Variants in DSC2 observed in about 807,000 individuals in gnomAD.
DSC2 encodes desmocollin 2.
A neutral mutation model predicts 87.6 loss-of-function variants in DSC2; 51 were observed. That is an observed-to-expected ratio of 0.58 (90% CI 0.46 to 0.74). The LOEUF (loss-of-function observed/expected upper bound fraction) is 0.74, where lower values mean the gene tolerates loss of function less well. Among genes scored for constraint, DSC2 ranks in the 30% least tolerant of loss-of-function variants. The pLI, the probability that DSC2 is intolerant of heterozygous loss-of-function variation, is 0.00. For missense variants in DSC2, 1,066 were observed against 1,089.5 expected (o/e 0.98, Z 0.30); for synonymous variants, 383 against 393.2 (o/e 0.97, Z 0.31).
chr18:31,080,077 A>G lies in DSC2; in HGVS notation c.1520+19T>C. 1.9e-6 allele frequency: 3 copies of G among 1,613,676 alleles called. No homozygotes were observed. The highest frequency in any genetic ancestry group is 2.2e-5 in the East Asian group (1 of 44,870). On this transcript the variant is annotated intron_variant, in intron 10 of 15. Transcript: ENST00000280904. ...AAAATAAGCTATATATTTTAAAACTAAAATAGAATGGTAAGTACCTTATGC... is the reference window on the plus strand; with the variant it reads ...AAAATAAGCTATATATTTTAAAACTGAAATAGAATGGTAAGTACCTTATGC...
intron 1 of DSC2, 99 bp downstream of exon 1, chr18:31,101,804 C>T: frequency 7.8e-7 from 1 of 1,290,220 alleles, no homozygotes; most frequent in Non-Finnish European, 1.0e-6. Flanking sequence ...TTCACCCCAG[C>T]TTTTCCCGCC....
rs1046220549 is a variant in DSC2, at chr18:31,070,894, A to G, written c.2126-44T>C. ...ATACTTGAGTTTATCATAAAATAAT[A>G]TGAAGTTATAAATGTACAATGGTTA... On this transcript the variant is annotated intron_variant, in intron 13 of 15. Transcript: ENST00000280904. The G allele has an allele frequency of 2.5e-6, 4 of 1,602,796 alleles. No homozygotes were observed. The African/African-American group carries it at 4.0e-5, about 16-fold the overall frequency.
At position 31,065,546 on chromosome 18, in the gene DSC2, A is replaced by T. The variant is rs1986593465; in HGVS notation, c.*2469T>A. On this transcript the variant is annotated 3_prime_UTR_variant, in exon 16 of 16. Coordinates refer to ENST00000280904, the MANE Select transcript of DSC2 (RefSeq NM_024422.6). ...ATAGAGCCGGAATTTGCATCAAGAC[A>T]CTCTTACTTGGAAGTCTTAGCACTT... 1 of 151,800 alleles carries T rather than the reference A, an allele frequency of 6.6e-6. No homozygotes were observed. The highest frequency in any genetic ancestry group is 1.5e-5 in the Non-Finnish European group (1 of 67,964). 9.4% of individuals were successfully genotyped at this position (151,800 alleles called of 1,614,324 possible).
chr18:31,097,126 CA>C (rs939670323), intron 1 of DSC2, among the ~76,000 whole-genome samples: 155 of 141,734 alleles, frequency 1.1e-3, no homozygotes, highest in Middle Eastern at 3.6e-3. Flanking sequence ...ACTAAAAATA[CA>C]AAAAAAAAAA....
At chr18:31,093,886 CAT>C (rs1335051050) in intron 1 of DSC2, among the ~76,000 whole-genome samples, 1 of 150,068 alleles carries the variant, frequency 6.7e-6, no homozygotes, top group Non-Finnish European at 1.5e-5. Flanking sequence ...ATAAATAAAA[CAT>C]AAATAAAATA....
At position 31,089,696 on chromosome 18, in the gene DSC2, T is replaced by G. The variant is rs906128053; in HGVS notation, c.475-102A>C. The G allele has an allele frequency of 5.4e-6, 6 of 1,108,042 alleles. No individual in the cohort carries two copies. The African/African-American group carries it at 1.0e-4, about 19-fold the overall frequency. 68.6% of individuals were successfully genotyped at this position (1,108,042 alleles called of 1,614,324 possible). On this transcript the variant is annotated intron_variant, in intron 4 of 15. Coordinates refer to ENST00000280904, the MANE Select transcript of DSC2 (RefSeq NM_024422.6). ...ATTGCCATTTTATTAGTTTAAATAATTGCCCTTAATTTATTATTATATATA... is the reference window on the plus strand; with the variant it reads ...ATTGCCATTTTATTAGTTTAAATAAGTGCCCTTAATTTATTATTATATATA...
At chr18:31,082,205 T>C in intron 9 of DSC2, 33 bp downstream of exon 9, 1 of 1,584,792 alleles carries the variant, frequency 6.3e-7, no homozygotes, top group Non-Finnish European at 8.6e-7. Flanking sequence ...TATGATATTA[T>C]AAACTACAAA....
intron 1 of DSC2, chr18:31,101,339 T>A (rs1205963172): frequency 2.3e-6 from 2 of 877,284 alleles, no homozygotes; most frequent in Admixed American, 7.6e-5. Context: ...AGCAGTTCCC[T>A]TTTTCACCCA....
chr18:31,101,809 C>T, intron 1 of DSC2, 94 bp downstream of exon 1: 10 of 683,438 alleles, frequency 1.5e-5, no homozygotes, highest in Admixed American at 1.2e-4. Flanking sequence ...CCCAGCTTTT[C>T]CCGCCACCCC....
chr18:31,076,158 G>A (rs898569220), intron 11 of DSC2, among the ~76,000 whole-genome samples: 2 of 152,138 alleles, frequency 1.3e-5, no homozygotes, highest in African/African-American at 2.4e-5. Flanking sequence ...TGCCAAGCTC[G>A]GGAAGATCTC....
chr18:31,071,782 T>C lies in DSC2; in HGVS notation c.1948A>G (p.Ile650Val), dbSNP rs760238296. The change falls in exon 13 of 16, where the codon ATA (isoleucine) becomes GTA (valine). Residue 650 changes from isoleucine to valine, a missense_variant. Ile to Val is a conservative substitution (Grantham distance 29, BLOSUM62 3). Transcript: ENST00000280904. ...ATGCCAAGTCTATCTCTCACTGTTA[T>C]AGGTACTACATATGAGCCAAATGGA... ...DPPFGSYVVP[I>V]TVRDRLGMSS... 1.2e-6 allele frequency: 2 copies of C among 1,614,062 alleles called. No individual in the cohort carries two copies. Among genetic ancestry groups the C allele is most frequent in the South Asian group, 1.1e-5 (1 of 91,082 alleles).
chr18:31,072,336 C>T (rs973434729), intron 12 of DSC2, among the ~76,000 whole-genome samples: 11 of 152,166 alleles, frequency 7.2e-5, no homozygotes, highest in Non-Finnish European at 1.6e-4. Flanking sequence ...CAACTTAAAA[C>T]ACCCCTGACA....
rs1479375658 is a variant in DSC2, at chr18:31,063,282, G to GATCA, written c.*4729_*4732dup. ...GGAGGCAGAGGTTGCAGTGAGCCATGATCATGCCACTGCACTCCAGCCTAG... is the reference window on the plus strand; with the variant it reads ...GGAGGCAGAGGTTGCAGTGAGCCATGATCAATCATGCCACTGCACTCCAGCCTAG... On this transcript the variant is annotated 3_prime_UTR_variant, in exon 16 of 16. Coordinates refer to ENST00000280904, the MANE Select transcript of DSC2 (RefSeq NM_024422.6). 3.4e-5 allele frequency: 5 copies of GATCA among 148,000 alleles called. No homozygotes were observed. The highest frequency in any genetic ancestry group is 6.8e-5 in the Admixed American group (1 of 14,636). The allele number at this position is 148,000 out of a possible 1,614,324, so 9.2% of individuals were successfully genotyped here.
In DSC2 at chr18:31,090,433, G is replaced by A. The variant is rs114278941; in HGVS notation, c.474+595C>T. Among the ~76,000 whole-genome samples the A allele has an allele frequency of 6.5e-3, 985 of 152,170 alleles. 11 individuals are homozygous for A. The highest frequency in any genetic ancestry group is 0.022 in the African/African-American group (933 of 41,520). ...CTACTGAAAGTTAAAACAAGACAGAGAAAAAGAGCCAGGTATGCTTGGCTC... is the reference window on the plus strand; with the variant it reads ...CTACTGAAAGTTAAAACAAGACAGAAAAAAAGAGCCAGGTATGCTTGGCTC... On this transcript the variant is annotated intron_variant, in intron 4 of 15. Coordinates refer to ENST00000280904, the MANE Select transcript of DSC2 (RefSeq NM_024422.6).
In DSC2 at chr18:31,080,232, C is replaced by T. The variant is rs373158787; in HGVS notation, c.1384G>A (p.Val462Ile). The stretch of plus-strand genomic sequence containing the variant: ...TCAGGGCCCTCATCCTGATCTTCTA[C>T]ATTAACAGTAACTGTTGCTGTGCTC... ...AMSTATVTVNVEDQDEGPECN... is the reference protein window; with the variant it reads ...AMSTATVTVNIEDQDEGPECN... Residue 462 changes from valine to isoleucine, a missense_variant, in exon 10 of 16, where the codon GTA (valine) becomes ATA (isoleucine). Val to Ile is a conservative substitution (Grantham distance 29, BLOSUM62 3). Coordinates refer to ENST00000280904, the MANE Select transcript of DSC2 (RefSeq NM_024422.6). The T allele has an allele frequency of 6.2e-7, 1 of 1,614,100 alleles. No homozygotes were observed. Among genetic ancestry groups the T allele is most frequent in the Non-Finnish European group, 8.5e-7 (1 of 1,180,010 alleles).
intron 12 of DSC2, among the ~76,000 whole-genome samples, chr18:31,074,363 G>T (rs1986931603): frequency 6.6e-6 from 1 of 151,646 alleles, no homozygotes; most frequent in African/African-American, 2.4e-5. Context: ...AGGTACACAA[G>T]TTAGGAAATG....
chr18:31,091,990 C>A, intron 3 of DSC2, 111 bp downstream of exon 3: 1 of 1,141,870 alleles, frequency 8.8e-7, no homozygotes, highest in East Asian at 2.5e-5. Context: ...GGTTTTCATT[C>A]GTCTTTAAGC....
At chr18:31,093,672 A>G in intron 1 of DSC2, 29 bp from the exon 2 acceptor site, 1 of 1,460,366 alleles carries the variant, frequency 6.8e-7, no homozygotes, top group East Asian at 2.5e-5. Flanking sequence ...TCAAATAAAT[A>G]TTATGCATAA....
chr18:31,079,729 T>C, intron 11 of DSC2, 118 bp downstream of exon 11: 1 of 1,161,110 alleles, frequency 8.6e-7, no homozygotes, highest in Non-Finnish European at 1.3e-6. Context: ...CTTTATATTA[T>C]CAAGAGATAT....
Sources: allele counts gnomAD v4.1 joint callset (sites outside exome capture counted in the v4.1 genomes callset), GRCh38; gene constraint gnomAD v4.1.1; transcripts MANE v1.5; gene names NCBI Gene and HGNC (gene_info 2026-07-23, HGNC 2026-07-21).